HECW2: variants seen among roughly 807,000 people sequenced by gnomAD.
The protein encoded by HECW2 is E3 ubiquitin-protein ligase HECW2.
A neutral mutation model predicts 175.2 loss-of-function variants in HECW2; 61 were observed. That is an observed-to-expected ratio of 0.35 (90% CI 0.28 to 0.43). The LOEUF (loss-of-function observed/expected upper bound fraction) is 0.43. Among genes scored for constraint, HECW2 ranks in the 20% least tolerant of loss-of-function variants. HECW2 has a pLI of 1.00. For synonymous variants in HECW2, 671 were observed against 731.0 expected (o/e 0.92, Z 1.32); for missense variants, 1,524 against 2,000.5 (o/e 0.76, Z 4.54).
intron 2 of HECW2, among the ~76,000 whole-genome samples, chr2:196,370,542 G>A (rs898580477): frequency 6.6e-6 from 1 of 152,166 alleles, no homozygotes; most frequent in African/African-American, 2.4e-5. Flanking sequence ...TGTCTCACTA[G>A]GTCACAAGCC....
intron 1 of HECW2, among the ~76,000 whole-genome samples, chr2:196,573,082 A>T (rs1255987436): frequency 1.3e-5 from 2 of 152,172 alleles, no homozygotes; most frequent in African/African-American, 4.8e-5. Flanking sequence ...GAGAAATGCG[A>T]TAATACAAAC....
chr2:196,353,828 C>T (rs1167285320), intron 2 of HECW2, among the ~76,000 whole-genome samples: 1 of 152,166 alleles, frequency 6.6e-6, no homozygotes, highest in Non-Finnish European at 1.5e-5. Context: ...CTATAAAAAC[C>T]TCAGACTCAG....
At chr2:196,414,454 G>A (rs1442569889) in intron 2 of HECW2, among the ~76,000 whole-genome samples, 1 of 152,214 alleles carries the variant, frequency 6.6e-6, no homozygotes, top group Non-Finnish European at 1.5e-5. Context: ...TAGGAGGCAG[G>A]GAAGGGCTGA....
rs368422467 is a variant in HECW2, at chr2:196,332,720, T to C, written c.495+1704A>G. 6.6e-5 allele frequency among the ~76,000 whole-genome samples: 10 copies of C among 152,354 alleles called. No homozygotes were observed. The East Asian group carries it at 1.2e-3, about 18-fold the overall frequency. ...GCTTAAAAATGTTTGGAAGCTGTTG[T>C]CTAATTTCAGACACAATGATTTTTT... On this transcript the variant is annotated intron_variant, in intron 4 of 28. Coordinates refer to ENST00000644978, the MANE Select transcript of HECW2 (RefSeq NM_001348768.2).
chr2:196,436,748 GT>G (rs11446539), intron 1 of HECW2, among the ~76,000 whole-genome samples: 31 of 146,786 alleles, frequency 2.1e-4, no homozygotes, highest in African/African-American at 7.7e-4. Context: ...AAAGAGTAAG[GT>G]TTTTTTTTTT....
At chr2:196,303,383 C>G (rs1373696126) in intron 13 of HECW2, among the ~76,000 whole-genome samples, 3 of 152,154 alleles carry the variant, frequency 2.0e-5, no homozygotes, top group African/African-American at 7.2e-5. Context: ...TCTGTTATAT[C>G]TCTGCCAAGT....
At chr2:196,252,554 T>A (rs1688899563) in intron 19 of HECW2, among the ~76,000 whole-genome samples, 1 of 152,148 alleles carries the variant, frequency 6.6e-6, no homozygotes, top group South Asian at 2.1e-4. Flanking sequence ...CCCCCTGCTC[T>A]CTCTGGCTCC....
chr2:196,402,291 T>C (rs867357653), intron 2 of HECW2, among the ~76,000 whole-genome samples: 3 of 151,666 alleles, frequency 2.0e-5, no homozygotes, highest in African/African-American at 2.4e-5. Flanking sequence ...GCTCAGAAAT[T>C]TGATAATTGT....
intron 2 of HECW2, among the ~76,000 whole-genome samples, chr2:196,366,613 T>C (rs1410549782): frequency 6.6e-6 from 1 of 152,202 alleles, no homozygotes; most frequent in Non-Finnish European, 1.5e-5. Flanking sequence ...TCTGCTTTAT[T>C]TGATTGGCAT....
intron 1 of HECW2, among the ~76,000 whole-genome samples, chr2:196,507,487 G>C (rs1687808612): frequency 1.3e-5 from 2 of 152,190 alleles, no homozygotes; most frequent in Non-Finnish European, 2.9e-5. Flanking sequence ...CTAGCATACA[G>C]TAGTTAGAGG....
At chr2:196,296,364 C>CGG (rs1690815594) in intron 13 of HECW2, among the ~76,000 whole-genome samples, 1 of 152,030 alleles carries the variant, frequency 6.6e-6, no homozygotes, top group Admixed American at 6.6e-5. Flanking sequence ...AGATTCAAAT[C>CGG]CAGTGGGACA....
chr2:196,356,138 T>C (rs528809390), intron 2 of HECW2, among the ~76,000 whole-genome samples: 1 of 152,272 alleles, frequency 6.6e-6, no homozygotes, highest in Non-Finnish European at 1.5e-5. Context: ...ACTGTAACAA[T>C]AACAATAACA....
chr2:196,593,179 C>G (rs1156813255), intron 1 of HECW2, among the ~76,000 whole-genome samples: 3 of 151,454 alleles, frequency 2.0e-5, no homozygotes, highest in Non-Finnish European at 3.0e-5. Context: ...CCGCCACCCA[C>G]CCCCGGGTTA....
At chr2:196,551,760 G>T (rs191659886) in intron 1 of HECW2, among the ~76,000 whole-genome samples, 1 of 152,294 alleles carries the variant, frequency 6.6e-6, no homozygotes, top group East Asian at 1.9e-4. Flanking sequence ...ATTTGAAAGA[G>T]AATCAATATG....
intron 21 of HECW2, among the ~76,000 whole-genome samples, chr2:196,234,272 T>C (rs1437341259): frequency 6.6e-6 from 1 of 150,810 alleles, no homozygotes. Context: ...CACAACAGTC[T>C]AATCCAGTTT....
intron 2 of HECW2, among the ~76,000 whole-genome samples, chr2:196,367,058 G>T (rs1693763264): frequency 6.6e-6 from 1 of 152,128 alleles, no homozygotes. Flanking sequence ...ATATAGCAAT[G>T]AACACAATAA....
intron 1 of HECW2, among the ~76,000 whole-genome samples, chr2:196,555,533 T>C (rs1484984713): frequency 6.6e-6 from 1 of 152,096 alleles, no homozygotes; most frequent in Non-Finnish European, 1.5e-5. Context: ...TCAAAACATC[T>C]TGCTGCATAA....
intron 28 of HECW2, among the ~76,000 whole-genome samples, chr2:196,207,955 T>C (rs1258032351): frequency 6.6e-6 from 1 of 152,238 alleles, no homozygotes; most frequent in Non-Finnish European, 1.5e-5. Context: ...TGAATGCCTC[T>C]GGGGAGAGAT....
chr2:196,572,744 C>G (rs898312274), intron 1 of HECW2, among the ~76,000 whole-genome samples: 2 of 151,976 alleles, frequency 1.3e-5, no homozygotes, highest in African/African-American at 4.8e-5. Flanking sequence ...GATTAGTATC[C>G]TTATAAGAAG....
Sources: gnomAD v4.1 joint callset for allele counts (sites outside exome capture counted in the v4.1 genomes callset) on GRCh38, gnomAD v4.1.1 for gene constraint, MANE v1.5 for transcripts, NCBI Gene and HGNC (gene_info 2026-07-23, HGNC 2026-07-21) for gene names.